CADM2: variants seen among roughly 807,000 people sequenced by gnomAD.
CADM2 encodes cell adhesion molecule 2, also known as immunoglobulin superfamily member 4D.
Under a neutral mutation model 49.8 loss-of-function variants are expected in CADM2, and 12 were observed. That is an observed-to-expected ratio of 0.24 (90% CI 0.15 to 0.39). The LOEUF (loss-of-function observed/expected upper bound fraction) is 0.39. Among genes scored for constraint, CADM2 ranks in the 10% least tolerant of loss-of-function variants. The pLI, the probability that CADM2 is intolerant of heterozygous loss-of-function variation, is 1.00. For missense variants in CADM2, 378 were observed against 492.3 expected (o/e 0.77, Z 2.20); for synonymous variants, 214 against 175.4 (o/e 1.22, Z -1.74).
At chr3:85,798,196 A>C (rs1011924702) in intron 2 of CADM2, among the ~76,000 whole-genome samples, 53 of 152,176 alleles carry the variant, frequency 3.5e-4, no homozygotes, top group African/African-American at 1.2e-3. Context: ...AGATTGCAAA[A>C]ATTTTCTCCC....
chr3:85,340,563 G>A (rs573192403), intron 1 of CADM2, among the ~76,000 whole-genome samples: 3 of 151,386 alleles, frequency 2.0e-5, no homozygotes, highest in Non-Finnish European at 4.4e-5. Flanking sequence ...TAATTAGTGC[G>A]TAGGTGTTTG....
At chr3:85,171,842 A>G (rs2040637176) in intron 1 of CADM2, among the ~76,000 whole-genome samples, 1 of 152,206 alleles carries the variant, frequency 6.6e-6, no homozygotes, top group African/African-American at 2.4e-5. Context: ...GGTGTGATGC[A>G]GACTCTCAAG....
At chr3:85,306,394 T>C (rs1335005316) in intron 1 of CADM2, among the ~76,000 whole-genome samples, 3 of 151,744 alleles carry the variant, frequency 2.0e-5, no homozygotes, top group Admixed American at 1.3e-4. Flanking sequence ...ATGAAGGAAA[T>C]TGTATTCTAT....
At chr3:85,993,972 G>A (rs182959806) in intron 8 of CADM2, 2 of 152,068 alleles carry the variant, frequency 1.3e-5, no homozygotes, top group Admixed American at 1.3e-4. Flanking sequence ...ATGAACATTG[G>A]TTTCAACTTA....
At chr3:85,727,134 G>A (rs1327141166) in intron 2 of CADM2, among the ~76,000 whole-genome samples, 1 of 151,898 alleles carries the variant, frequency 6.6e-6, no homozygotes, top group Non-Finnish European at 1.5e-5. Context: ...AGTTTTTATG[G>A]GTTTGAAAAA....
At chr3:85,548,431 A>C (rs73132390) in intron 1 of CADM2, among the ~76,000 whole-genome samples, 45 of 152,010 alleles carry the variant, frequency 3.0e-4, no homozygotes, top group Non-Finnish European at 5.7e-4. Context: ...CCTGGCCAAC[A>C]TGAAGGAGAA....
chr3:85,979,245 C>G lies in CADM2; in HGVS notation c.970+17598C>G, dbSNP rs75646352. 412 of 1,610,926 alleles carry G rather than the reference C, an allele frequency of 2.6e-4. 2 individuals are homozygous for G. In the East Asian group the frequency reaches 9.1e-3, roughly 36 times the overall value. On this transcript the variant is annotated intron_variant, in intron 8 of 9. Coordinates refer to ENST00000383699, the MANE Select transcript of CADM2 (RefSeq NM_001167675.2). ...GTCACAACCACTGTAGCCATAACAA[C>G]CAGCCCAACCACATCTGCAACAACC...
intron 1 of CADM2, among the ~76,000 whole-genome samples, chr3:85,519,235 CCTTT>C (rs1432261700): frequency 6.6e-6 from 1 of 152,018 alleles, no homozygotes; most frequent in Non-Finnish European, 1.5e-5. Context: ...CCCGTTTTTG[CCTTT>C]CTTAGACAAC....
At position 84,998,231 on chromosome 3, in the gene CADM2, A is replaced by G. The variant is rs936557262; in HGVS notation, c.61+38563A>G. ...TATGTGTGATACCTGGTCTCAGTGCATGATCTTCCAGAGGTTATCTTTAGA... is the reference window on the plus strand; with the variant it reads ...TATGTGTGATACCTGGTCTCAGTGCGTGATCTTCCAGAGGTTATCTTTAGA... On this transcript the variant is annotated intron_variant, in intron 1 of 9. Coordinates refer to ENST00000383699, the MANE Select transcript of CADM2 (RefSeq NM_001167675.2). Among the ~76,000 whole-genome samples, 4 of 152,272 alleles carry G rather than the reference A, an allele frequency of 2.6e-5. No individual in the cohort carries two copies. In the East Asian group the frequency reaches 5.8e-4, roughly 22 times the overall value.
At chr3:85,115,627 T>C (rs1315157444) in intron 1 of CADM2, among the ~76,000 whole-genome samples, 2 of 152,176 alleles carry the variant, frequency 1.3e-5, no homozygotes, top group Non-Finnish European at 2.9e-5. Context: ...ATTCATTTTT[T>C]TCTTTGGTAA....
intron 1 of CADM2, among the ~76,000 whole-genome samples, chr3:85,024,238 A>G (rs1014298118): frequency 2.0e-5 from 3 of 152,144 alleles, no homozygotes; most frequent in African/African-American, 4.8e-5. Context: ...AGAGCCCAAC[A>G]CTGGCCTGTG....
intron 1 of CADM2, among the ~76,000 whole-genome samples, chr3:85,190,974 A>AT (rs1470760175): frequency 6.6e-6 from 1 of 152,130 alleles, no homozygotes; most frequent in East Asian, 1.9e-4. Context: ...AAGAGGTATA[A>AT]TGTATAGCAA....
In CADM2 at chr3:85,881,410, C is replaced by T. The variant is rs748709518; in HGVS notation, c.239-1881C>T. Among the ~76,000 whole-genome samples, 130 of 151,826 alleles carry T rather than the reference C, an allele frequency of 8.6e-4. 1 individual carries two copies. Among genetic ancestry groups the T allele is most frequent in the African/African-American group, 3.0e-3 (125 of 41,440 alleles). ...TAGGCATCTTTTATTTTTTCTCATT[C>T]GGTTATGATTTTCCTGGTGTTTAGT... On this transcript the variant is annotated intron_variant, in intron 3 of 9. Transcript: ENST00000383699.
chr3:85,553,139 G>T (rs1009883697), intron 1 of CADM2, among the ~76,000 whole-genome samples: 2 of 152,046 alleles, frequency 1.3e-5, no homozygotes, highest in Non-Finnish European at 2.9e-5. Context: ...CTCTAAGTCA[G>T]TAAATAACCG....
chr3:85,600,050 T>C (rs917187414), intron 1 of CADM2, among the ~76,000 whole-genome samples: 9 of 152,050 alleles, frequency 5.9e-5, no homozygotes, highest in African/African-American at 2.2e-4. Flanking sequence ...AAGAAATATT[T>C]AAGTTTTGGT....
intron 8 of CADM2, chr3:86,014,218 A>T: frequency 7.8e-7 from 1 of 1,289,220 alleles, no homozygotes; most frequent in Non-Finnish European, 1.1e-6. Flanking sequence ...AGATGGAGTA[A>T]CTGTGTAGCT....
chr3:85,449,160 T>A (rs924301147), intron 1 of CADM2, among the ~76,000 whole-genome samples: 1 of 151,100 alleles, frequency 6.6e-6, no homozygotes, highest in Non-Finnish European at 1.5e-5. Flanking sequence ...AAAGAGATAA[T>A]TCAGTCTTCA....
At chr3:85,421,389 A>G (rs1182069876) in intron 1 of CADM2, among the ~76,000 whole-genome samples, 2 of 152,102 alleles carry the variant, frequency 1.3e-5, no homozygotes, top group Admixed American at 6.5e-5. Context: ...GAATGAATTT[A>G]AATTATGGTT....
At chr3:85,450,478 TTGAC>T (rs1439989160) in intron 1 of CADM2, among the ~76,000 whole-genome samples, 1 of 151,996 alleles carries the variant, frequency 6.6e-6, no homozygotes, top group Non-Finnish European at 1.5e-5. Context: ...AATTGGAACT[TTGAC>T]AGTACAGCAT....
Sources: allele counts gnomAD v4.1 joint callset (sites outside exome capture counted in the v4.1 genomes callset), GRCh38; gene constraint gnomAD v4.1.1; transcripts MANE v1.5; gene names NCBI Gene and HGNC (gene_info 2026-07-23, HGNC 2026-07-21).